ZMAT4: variants seen among roughly 807,000 people sequenced by gnomAD.
The protein encoded by ZMAT4 is zinc finger matrin-type protein 4.
A neutral mutation model predicts 28.7 loss-of-function variants in ZMAT4; 17 were observed. The observed-to-expected ratio is 0.59, with a 90% CI of 0.41 to 0.89. The LOEUF (loss-of-function observed/expected upper bound fraction) is 0.89, where lower values mean the gene tolerates loss of function less well. Ranked by LOEUF, ZMAT4 falls within the 40% of genes least tolerant of loss-of-function variation. The probability of loss-of-function intolerance (pLI) is 0.00; values close to 1 mark genes in which losing one functional copy is unlikely to be tolerated. For missense variants in ZMAT4, 240 were observed against 283.8 expected (o/e 0.85, Z 1.11); for synonymous variants, 117 against 109.2 (o/e 1.07, Z -0.44).
At chr8:40,801,245 G>T (rs1021713894) in intron 2 of ZMAT4, among the ~76,000 whole-genome samples, 1 of 150,336 alleles carries the variant, frequency 6.7e-6, no homozygotes, top group Non-Finnish European at 1.5e-5. Context: ...AAAACAGAAA[G>T]CACCAGACGT....
chr8:40,754,856 A>G (rs1812610481), intron 3 of ZMAT4, among the ~76,000 whole-genome samples: 1 of 152,150 alleles, frequency 6.6e-6, no homozygotes, highest in South Asian at 2.1e-4. Context: ...CAACTAAAAA[A>G]TTTTTAAAAA....
intron 2 of ZMAT4, among the ~76,000 whole-genome samples, chr8:40,797,523 G>T (rs1185158573): frequency 1.3e-5 from 2 of 152,208 alleles, no homozygotes; most frequent in Non-Finnish European, 2.9e-5. Context: ...GGGAGGGGGA[G>T]TGAGTGACAA....
intron 5 of ZMAT4, among the ~76,000 whole-genome samples, chr8:40,612,054 GC>G (rs1442833033): frequency 6.6e-6 from 1 of 152,140 alleles, no homozygotes; most frequent in East Asian, 1.9e-4. Context: ...AGTTGCAGCA[GC>G]ATTACCTACT....
intron 5 of ZMAT4, among the ~76,000 whole-genome samples, chr8:40,587,888 G>A (rs1804719948): frequency 6.6e-6 from 1 of 151,916 alleles, no homozygotes; most frequent in African/African-American, 2.4e-5. Flanking sequence ...ACACTTATAG[G>A]TTGAAAGTAA....
rs17637638 is a variant in ZMAT4 at position 40,568,337 on chromosome 8, C to T, written c.674+12828G>A. On this transcript the variant is annotated intron_variant, in intron 6 of 6. Transcript: ENST00000297737. ...TCAAGCTTGAAACTGTTGTATAAAACGAGGCAGAAGACCACAAGAAACTCA... is the reference window on the plus strand; with the variant it reads ...TCAAGCTTGAAACTGTTGTATAAAATGAGGCAGAAGACCACAAGAAACTCA... Among the ~76,000 whole-genome samples, 1,218 of 152,162 alleles carry T rather than the reference C, an allele frequency of 8.0e-3. 9 individuals are homozygous for T. The highest frequency in any genetic ancestry group is 0.013 in the Non-Finnish European group (875 of 67,994).
At chr8:40,665,162 C>T (rs928166876) in intron 5 of ZMAT4, among the ~76,000 whole-genome samples, 6 of 151,946 alleles carry the variant, frequency 3.9e-5, no homozygotes, top group Admixed American at 6.6e-5. Context: ...GCTGAGATTG[C>T]GCCACTGCAC....
At chr8:40,676,333 A>G (rs1808908018) in intron 4 of ZMAT4, among the ~76,000 whole-genome samples, 1 of 152,144 alleles carries the variant, frequency 6.6e-6, no homozygotes, top group Non-Finnish European at 1.5e-5. Context: ...TAAATTTTGG[A>G]AAAAATATTC....
At chr8:40,757,858 G>A (rs932838492) in intron 3 of ZMAT4, among the ~76,000 whole-genome samples, 3 of 152,028 alleles carry the variant, frequency 2.0e-5, no homozygotes, top group African/African-American at 7.2e-5. Context: ...CCTCAGTCTG[G>A]GTGGGCACCA....
At chr8:40,694,751 A>T (rs530559971) in intron 4 of ZMAT4, among the ~76,000 whole-genome samples, 2 of 152,274 alleles carry the variant, frequency 1.3e-5, no homozygotes, top group South Asian at 4.1e-4. Context: ...TCCCCCAAGG[A>T]TAGCCTGGAA....
At chr8:40,876,892 A>G in intron 1 of ZMAT4, among the ~76,000 whole-genome samples, 1 of 152,200 alleles carries the variant, frequency 6.6e-6, no homozygotes, top group East Asian at 1.9e-4. Flanking sequence ...GTTTAAGGAA[A>G]GTTATTCCCA....
chr8:40,767,820 A>C (rs1027080937), intron 2 of ZMAT4, 90 bp from the exon 3 acceptor site: 4 of 1,051,054 alleles, frequency 3.8e-6, no homozygotes, highest in Middle Eastern at 2.1e-4. Context: ...TGCAAAAAGA[A>C]ATGTATTTTC....
chr8:40,688,229 A>T (rs191467048), intron 4 of ZMAT4, among the ~76,000 whole-genome samples: 10 of 152,272 alleles, frequency 6.6e-5, no homozygotes, highest in East Asian at 5.8e-4. Flanking sequence ...AGGCCCAGAC[A>T]GGTGGATCAC....
intron 2 of ZMAT4, among the ~76,000 whole-genome samples, chr8:40,785,923 G>A (rs1814056264): frequency 6.6e-6 from 1 of 152,010 alleles, no homozygotes; most frequent in Non-Finnish European, 1.5e-5. Flanking sequence ...CTAAGATTCT[G>A]AAAACTGGTT....
chr8:40,549,946 A>G (rs1314387220), intron 6 of ZMAT4, among the ~76,000 whole-genome samples: 4 of 152,080 alleles, frequency 2.6e-5, no homozygotes, highest in Admixed American at 6.5e-5. Context: ...GCACCTTATA[A>G]TCCTGCCATA....
intron 1 of ZMAT4, among the ~76,000 whole-genome samples, chr8:40,866,533 T>C (rs1326654322): frequency 6.6e-6 from 1 of 152,176 alleles, no homozygotes; most frequent in Non-Finnish European, 1.5e-5. Flanking sequence ...ATGAGTGGGG[T>C]GTGCTTGGTG....
intron 4 of ZMAT4, among the ~76,000 whole-genome samples, chr8:40,690,585 C>T (rs563811226): frequency 1.3e-5 from 2 of 152,084 alleles, no homozygotes; most frequent in Non-Finnish European, 2.9e-5. Context: ...ACCAAATAAC[C>T]TGATTCAGAT....
At chr8:40,536,091 C>T (rs893844723) in intron 6 of ZMAT4, among the ~76,000 whole-genome samples, 2 of 152,124 alleles carry the variant, frequency 1.3e-5, no homozygotes, top group African/African-American at 4.8e-5. Flanking sequence ...ACACTTTGGG[C>T]CCATAAATTA....
intron 5 of ZMAT4, among the ~76,000 whole-genome samples, chr8:40,628,763 G>GA (rs1057380947): frequency 3.3e-5 from 5 of 152,246 alleles, no homozygotes; most frequent in African/African-American, 1.2e-4. Flanking sequence ...AAAGTAGAAG[G>GA]ATTTTTACTT....
At chr8:40,566,012 C>T (rs1016163763) in intron 6 of ZMAT4, among the ~76,000 whole-genome samples, 1 of 152,070 alleles carries the variant, frequency 6.6e-6, no homozygotes, top group Non-Finnish European at 1.5e-5. Flanking sequence ...TTAAAAATTA[C>T]CTGAGCATTT....
Sources: allele counts gnomAD v4.1 joint callset (sites outside exome capture counted in the v4.1 genomes callset), GRCh38; gene constraint gnomAD v4.1.1; transcripts MANE v1.5; gene names NCBI Gene and HGNC (gene_info 2026-07-23, HGNC 2026-07-21).